Variants in CACNG4 observed in about 807,000 individuals in gnomAD.
The protein encoded by CACNG4 is calcium voltage-gated channel auxiliary subunit gamma 4, also known as voltage-dependent calcium channel gamma-4 subunit.
In CACNG4, 8 loss-of-function variants were observed where a neutral mutation model predicts 22.9. The observed-to-expected ratio is 0.35, with a 90% CI of 0.21 to 0.63. The LOEUF (loss-of-function observed/expected upper bound fraction) is 0.63, where lower values mean the gene tolerates loss of function less well. CACNG4 is among the 30% of genes least tolerant of loss of function. The pLI is 0.72. For missense variants in CACNG4, 357 were observed against 455.4 expected (o/e 0.78, Z 1.97); for synonymous variants, 188 against 191.9 (o/e 0.98, Z 0.17).
intron 2 of CACNG4, among the ~76,000 whole-genome samples, chr17:67,020,553 G>T (rs1468967669): frequency 6.6e-6 from 1 of 152,246 alleles, no homozygotes; most frequent in Non-Finnish European, 1.5e-5. Flanking sequence ...GGGTGGGGCT[G>T]AACTGACTTC....
intron 3 of CACNG4, among the ~76,000 whole-genome samples, chr17:67,028,174 T>C (rs1457367365): frequency 6.6e-6 from 1 of 152,186 alleles, no homozygotes; most frequent in African/African-American, 2.4e-5. Flanking sequence ...GAAGATATTC[T>C]AACCCTTCCA....
chr17:67,004,662 T>C (rs1203206100), intron 1 of CACNG4, among the ~76,000 whole-genome samples: 1 of 152,170 alleles, frequency 6.6e-6, no homozygotes, highest in African/African-American at 2.4e-5. Flanking sequence ...TACAGCTGGT[T>C]GGGGGTTAGA....
At chr17:67,026,111 ATG>A (rs1180515461) in intron 3 of CACNG4, among the ~76,000 whole-genome samples, 7 of 122,226 alleles carry the variant, frequency 5.7e-5, no homozygotes, top group African/African-American at 9.7e-5. Context: ...AGAGTGTGGG[ATG>A]TGTGTGTGTA....
chr17:66,978,567 G>A lies in CACNG4; in HGVS notation c.220+13436G>A, dbSNP rs183511656. 3.8e-4 allele frequency among the ~76,000 whole-genome samples: 58 copies of A among 152,238 alleles called. No individual in the cohort carries two copies. In the East Asian group the frequency reaches 0.01, roughly 27 times the overall value. Reference sequence around the variant, plus strand: ...TCAGGACACCCAGGCTCCCTTCCAGGGGCCGGACAGTCCGGCCAAGGCCAT... The same window carrying A: ...TCAGGACACCCAGGCTCCCTTCCAGAGGCCGGACAGTCCGGCCAAGGCCAT... On this transcript the variant is annotated intron_variant, in intron 1 of 3. Transcript: ENST00000262138.
chr17:66,989,483 A>G (rs1408783911), intron 1 of CACNG4, among the ~76,000 whole-genome samples: 2 of 151,500 alleles, frequency 1.3e-5, no homozygotes, highest in East Asian at 3.9e-4. Context: ...TAGATCCTTC[A>G]GAGAGAGCAT....
In CACNG4 at chr17:67,030,739, G is replaced by C. The variant is rs760271953; in HGVS notation, c.719G>C (p.Arg240Pro). The part of the protein sequence containing the change: ...YARMPSYRYR[R>P]RRSRSSSRST... Reference sequence around the variant, plus strand: ...AGGATGCCGAGCTACAGGTACCGGCGACGGCGCTCGAGGTCCAGCTCAAGG... The same window carrying C: ...AGGATGCCGAGCTACAGGTACCGGCCACGGCGCTCGAGGTCCAGCTCAAGG... The change falls in exon 4 of 4, where the codon CGA becomes CCA. Residue 240 changes from arginine (R) to proline (P), a missense_variant. This residue lies in a region of CACNG4 where 240 missense variants were observed against 277.6 expected (regional missense o/e 0.86). Transcript: ENST00000262138. This position sits in a 1 kb window ranked among gnomAD's most constrained non-coding sequence, Gnocchi z 6.4. 1.2e-6 allele frequency: 2 copies of C among 1,614,210 alleles called. No homozygotes were observed. Among genetic ancestry groups the C allele is most frequent in the South Asian group, 2.2e-5 (2 of 91,076 alleles).
In CACNG4 at chr17:67,016,552, C is replaced by T. The variant is rs768792277; in HGVS notation, c.221-1637C>T. ...CCTGGTTGGAAGCATGAGAGGTGGA[C>T]GTGCACCCGGACCCTGCCGCCAGGA... On this transcript the variant is annotated intron_variant, in intron 1 of 3. Transcript: ENST00000262138. 5.9e-4 allele frequency among the ~76,000 whole-genome samples: 90 copies of T among 152,160 alleles called. 1 individual carries two copies. Among genetic ancestry groups the T allele is most frequent in the Non-Finnish European group, 9.7e-4 (66 of 68,022 alleles).
chr17:67,023,940 G>A (rs148008618), intron 2 of CACNG4, among the ~76,000 whole-genome samples: 120 of 152,336 alleles, frequency 7.9e-4, no homozygotes, highest in East Asian at 3.9e-3. Flanking sequence ...GTATATTCTA[G>A]GGAGGCTGCA....
At position 66,971,072 on chromosome 17, in the gene CACNG4, C is replaced by A. The variant is rs117657101; in HGVS notation, c.220+5941C>A. On this transcript the variant is annotated intron_variant, in intron 1 of 3. Coordinates refer to ENST00000262138, the MANE Select transcript of CACNG4 (RefSeq NM_014405.4). ...AACAGCAATGTGCAGGGGAGGGGGCCTGGTGGGCCTCTGTCTCCTCATCTG... is the reference window on the plus strand; with the variant it reads ...AACAGCAATGTGCAGGGGAGGGGGCATGGTGGGCCTCTGTCTCCTCATCTG... Among the ~76,000 whole-genome samples, 528 of 152,296 alleles carry A rather than the reference C, an allele frequency of 3.5e-3. 13 individuals are homozygous for A. In the East Asian group the frequency reaches 0.072, roughly 21 times the overall value.
At chr17:66,981,224 G>A (rs2035270535) in intron 1 of CACNG4, among the ~76,000 whole-genome samples, 1 of 152,178 alleles carries the variant, frequency 6.6e-6, no homozygotes, top group African/African-American at 2.4e-5. Context: ...GAATATGGAA[G>A]GAGATGCTGA....
chr17:67,030,434 GCCCCGCT>G lies in CACNG4; in HGVS notation c.446-17_446-11del, dbSNP rs375436729. ...TAACCTCTGCCTCTCTCCCTCCCTG[GCCCCGCT>G]CCCCGCTCCCCGCTTCCCTTTCAGG... On this transcript the variant is annotated intron_variant, in intron 3 of 3. Transcript: ENST00000262138. This position sits in a 1 kb window ranked among gnomAD's most constrained non-coding sequence, Gnocchi z 6.4. The G allele has an allele frequency of 1.2e-5, 20 of 1,602,060 alleles. No homozygotes were observed. The highest frequency in any genetic ancestry group is 2.2e-5 in the East Asian group (1 of 44,790).
At chr17:67,011,752 G>A (rs942189533) in intron 1 of CACNG4, among the ~76,000 whole-genome samples, 1 of 152,214 alleles carries the variant, frequency 6.6e-6, no homozygotes, top group African/African-American at 2.4e-5. Context: ...TGATGCATGA[G>A]TGAACAGGAA....
chr17:66,971,410 C>T (rs1410659833), intron 1 of CACNG4, among the ~76,000 whole-genome samples: 1 of 152,186 alleles, frequency 6.6e-6, no homozygotes. Flanking sequence ...TGCTGCTGTT[C>T]CCTCATTCAT....
At chr17:66,986,342 AGGACGGAGC>A (rs1178659114) in intron 1 of CACNG4, among the ~76,000 whole-genome samples, 5 of 152,228 alleles carry the variant, frequency 3.3e-5, no homozygotes, top group Admixed American at 6.5e-5. Context: ...TCTCCTATGC[AGGACGGAGC>A]GGAGGGAGCA....
At chr17:66,967,374 A>G (rs1298686273) in intron 1 of CACNG4, among the ~76,000 whole-genome samples, 1 of 152,166 alleles carries the variant, frequency 6.6e-6, no homozygotes, top group East Asian at 1.9e-4. Context: ...AGTGGGTTCA[A>G]GATTCCTTGG....
chr17:67,029,659 A>AAC (rs1555581259), intron 3 of CACNG4, among the ~76,000 whole-genome samples: 5 of 151,844 alleles, frequency 3.3e-5, no homozygotes, highest in Admixed American at 6.6e-5. Flanking sequence ...CAAACAAACA[A>AAC]AAACAAACAA....
At chr17:66,982,374 C>A (rs1266305036) in intron 1 of CACNG4, among the ~76,000 whole-genome samples, 1 of 152,082 alleles carries the variant, frequency 6.6e-6, no homozygotes, top group Non-Finnish European at 1.5e-5. Flanking sequence ...AAACCTCTAG[C>A]TAGCCACAGA....
chr17:66,978,683 C>T (rs1433660956), intron 1 of CACNG4, among the ~76,000 whole-genome samples: 2 of 152,234 alleles, frequency 1.3e-5, no homozygotes, highest in African/African-American at 4.8e-5. Flanking sequence ...AACAAGTGCA[C>T]ATTGACGGCC....
intron 2 of CACNG4, among the ~76,000 whole-genome samples, chr17:67,019,648 G>A (rs1423756753): frequency 6.6e-6 from 1 of 152,180 alleles, no homozygotes; most frequent in Admixed American, 6.5e-5. Flanking sequence ...GCAATCAGGT[G>A]GTTCTTAAAG....
Sources: allele counts gnomAD v4.1 joint callset (sites outside exome capture counted in the v4.1 genomes callset), GRCh38; gene constraint gnomAD v4.1.1; regional missense constraint gnomAD v4.1.1; non-coding constraint Gnocchi (gnomAD v3.1); transcripts MANE v1.5; gene names NCBI Gene and HGNC (gene_info 2026-07-23, HGNC 2026-07-21).